Variants in CENPE observed in about 807,000 individuals in gnomAD.
The protein encoded by CENPE is centromere protein E.
In CENPE, 145 loss-of-function variants were observed where a neutral mutation model predicts 336.1. The observed-to-expected ratio is 0.43, with a 90% CI of 0.38 to 0.50. CENPE has a LOEUF of 0.50. Among genes scored for constraint, CENPE ranks in the 20% least tolerant of loss-of-function variants. The pLI is 0.00. For missense variants in CENPE, 2,719 were observed against 3,023.3 expected, an observed-to-expected ratio of 0.90 and a Z score of 2.36; for synonymous variants, 1,013 against 984.8, an observed-to-expected ratio of 1.03 and a Z score of -0.54.
At chr4:103,168,093 C>T (rs1755075709) in intron 16 of CENPE, among the ~76,000 whole-genome samples, 1 of 152,100 alleles carries the variant, frequency 6.6e-6, no homozygotes, top group African/African-American at 2.4e-5. Flanking sequence ...CTCCAGCCCT[C>T]CCCTGCTGCA....
chr4:103,148,724 G>A (rs1262021973), intron 28 of CENPE, 120 bp downstream of exon 28: 12 of 923,812 alleles, frequency 1.3e-5, no homozygotes, highest in African/African-American at 5.0e-5. Context: ...TTAAACACTC[G>A]ACAAATACTT....
chr4:103,176,553 C>CTATT (rs922571441), intron 14 of CENPE, among the ~76,000 whole-genome samples: 12 of 151,850 alleles, frequency 7.9e-5, no homozygotes, highest in African/African-American at 1.5e-4. Context: ...TGATTACTTT[C>CTATT]TATTTATTTA....
chr4:103,166,583 A>C (rs957173141), intron 16 of CENPE, among the ~76,000 whole-genome samples: 2 of 152,238 alleles, frequency 1.3e-5, no homozygotes, highest in Non-Finnish European at 2.9e-5. Flanking sequence ...TGGAAATAAT[A>C]GCTTTGGCAT....
chr4:103,191,410 A>G (rs1757313621), intron 8 of CENPE, among the ~76,000 whole-genome samples: 1 of 152,234 alleles, frequency 6.6e-6, no homozygotes, highest in South Asian at 2.1e-4. Context: ...AATGTCCAAC[A>G]ATGGTAGACT....
chr4:103,146,505 T>C (rs560612807), intron 29 of CENPE, among the ~76,000 whole-genome samples: 1 of 152,136 alleles, frequency 6.6e-6, no homozygotes, highest in African/African-American at 2.4e-5. Flanking sequence ...TTAACTGAGA[T>C]CTGAAGGATA....
At chr4:103,169,900 T>C (rs1421796652) in intron 16 of CENPE, among the ~76,000 whole-genome samples, 1 of 152,120 alleles carries the variant, frequency 6.6e-6, no homozygotes, top group African/African-American at 2.4e-5. Flanking sequence ...CCCTCAATGA[T>C]AGACTGGATA....
chr4:103,153,648 T>A (rs1401380091), intron 24 of CENPE, among the ~76,000 whole-genome samples: 1 of 152,234 alleles, frequency 6.6e-6, no homozygotes, highest in Non-Finnish European at 1.5e-5. Flanking sequence ...AATACATTAA[T>A]TAAAGGATAT....
rs1318313946 is a variant in CENPE at position 103,147,623 on chromosome 4, T to C, written c.3867A>G (p.Gln1289=). Residue 1289 remains glutamine, a synonymous_variant, in exon 29 of 49, where the codon CAA becomes CAG. Transcript: ENST00000265148. ...QEEIPVLHEE[Q]ELLPNVKEVS... ...CTTCTTTCACATTAGGCAGTAACTC[T>C]TGTTCCTCATGAAGCACTGGGATCT... 1.9e-6 allele frequency: 3 copies of C among 1,612,298 alleles called. No individual in the cohort carries two copies. Among genetic ancestry groups the C allele is most frequent in the Non-Finnish European group, 2.5e-6 (3 of 1,179,878 alleles).
chr4:103,151,727 C>G (rs1422740769), intron 25 of CENPE, among the ~76,000 whole-genome samples: 1 of 152,246 alleles, frequency 6.6e-6, no homozygotes, highest in Non-Finnish European at 1.5e-5. Context: ...TTTTCAAACA[C>G]TGGGATGGCT....
intron 30 of CENPE, 34 bp downstream of exon 30, chr4:103,145,795 A>G: frequency 6.4e-7 from 1 of 1,556,548 alleles, no homozygotes. Flanking sequence ...GTTACAAAAT[A>G]TTTTTTAAAA....
chr4:103,187,541 C>A (rs1756894982), intron 8 of CENPE, among the ~76,000 whole-genome samples: 1 of 152,060 alleles, frequency 6.6e-6, no homozygotes, highest in Non-Finnish European at 1.5e-5. Flanking sequence ...TCATATCCAG[C>A]CAAACTAAGC....
At chr4:103,126,134 C>T (rs527956194) in intron 42 of CENPE, among the ~76,000 whole-genome samples, 8 of 152,154 alleles carry the variant, frequency 5.3e-5, no homozygotes, top group South Asian at 2.1e-4. Context: ...TTAAAAACTT[C>T]GGAGACCTAG....
intron 42 of CENPE, among the ~76,000 whole-genome samples, chr4:103,124,661 A>C (rs1750936638): frequency 6.6e-6 from 1 of 152,188 alleles, no homozygotes; most frequent in Non-Finnish European, 1.5e-5. Flanking sequence ...TTTATATTGA[A>C]GGCTAACTAA....
intron 42 of CENPE, among the ~76,000 whole-genome samples, chr4:103,125,037 T>C (rs1046356732): frequency 1.3e-5 from 2 of 152,192 alleles, no homozygotes; most frequent in Non-Finnish European, 1.5e-5. Context: ...TATCCAAACA[T>C]TGGTTTTGTG....
chr4:103,155,190 C>T (rs1578623367), intron 24 of CENPE, among the ~76,000 whole-genome samples: 1 of 152,148 alleles, frequency 6.6e-6, no homozygotes, highest in African/African-American at 2.4e-5. Context: ...CTACTCTTCC[C>T]TTCATCTTCT....
intron 9 of CENPE, among the ~76,000 whole-genome samples, chr4:103,185,431 C>T (rs1756686258): frequency 6.6e-6 from 1 of 151,294 alleles, no homozygotes; most frequent in South Asian, 2.1e-4. Context: ...AATATTTTAA[C>T]TTGTTTTTAT....
intron 12 of CENPE, among the ~76,000 whole-genome samples, chr4:103,181,071 T>C (rs1756287916): frequency 6.6e-6 from 1 of 152,150 alleles, no homozygotes; most frequent in South Asian, 2.1e-4. Context: ...TTAAGAAATG[T>C]CTCTACTTGG....
In CENPE at chr4:103,175,948, A is replaced by G; in HGVS notation, c.1479+12T>C. The G allele has an allele frequency of 6.6e-7, 1 of 1,512,450 alleles. No homozygotes were observed. Among genetic ancestry groups the G allele is most frequent in the Non-Finnish European group, 9.1e-7 (1 of 1,095,144 alleles). The allele number at this position is 1,512,450 out of a possible 1,614,324, so 93.7% of individuals were successfully genotyped here. A position where few individuals can be genotyped will look rare whatever the true frequency, so the allele number is the denominator to read the frequency against. On this transcript the variant is annotated intron_variant, in intron 15 of 48. Coordinates refer to ENST00000265148, the MANE Select transcript of CENPE (RefSeq NM_001813.3). ...GTAAAAGCATTATATGCTGTAAAAT[A>G]CATTAAGTTACCTGATTTAGTAGCT...
In CENPE at chr4:103,116,641, G is replaced by T; in HGVS notation, c.7378C>A (p.Leu2460Ile). The change falls in exon 45 of 49, where the codon CTC becomes ATC. Residue 2460 changes from leucine (L) to isoleucine (I), a missense_variant. By Grantham distance (5) the Leu-to-Ile change is conservative. This residue lies in a region of CENPE where 2,437 missense variants were observed against 2,513.3 expected (regional missense o/e 0.97). Transcript: ENST00000265148. Reference sequence around the variant, plus strand: ...TCTATTTTCACAAGCTTCATTTTGAGATCTTCAATTTCTTCTTTATATGGC... The same window carrying T: ...TCTATTTTCACAAGCTTCATTTTGATATCTTCAATTTCTTCTTTATATGGC... ...AKPYKEEIED[L>I]KMKLVKIDLE... 6.3e-7 allele frequency: 1 copy of T among 1,595,278 alleles called. No homozygotes were observed. Among genetic ancestry groups the T allele is most frequent in the Non-Finnish European group, 8.5e-7 (1 of 1,173,656 alleles).
Sources: gnomAD v4.1 joint callset for allele counts (sites outside exome capture counted in the v4.1 genomes callset) on GRCh38, gnomAD v4.1.1 for gene constraint, gnomAD v4.1.1 regional missense constraint, MANE v1.5 for transcripts, NCBI Gene and HGNC (gene_info 2026-07-23, HGNC 2026-07-21) for gene names.